Variants in CDKAL1 observed in about 807,000 individuals in gnomAD.
The protein encoded by CDKAL1 is threonylcarbamoyladenosine tRNA methylthiotransferase.
Under a neutral mutation model 68.2 loss-of-function variants are expected in CDKAL1, and 32 were observed. That is an observed-to-expected ratio of 0.47 (90% confidence interval 0.35 to 0.63). CDKAL1 has a LOEUF of 0.63. Ranked by LOEUF, CDKAL1 falls within the 30% of genes least tolerant of loss-of-function variation. CDKAL1 has a pLI of 0.00. For synonymous variants in CDKAL1, 234 were observed against 244.3 expected (o/e 0.96, Z 0.39); for missense variants, 606 against 696.7 (o/e 0.87, Z 1.47).
chr6:21,078,526 T>C (rs1033585476), intron 12 of CDKAL1, among the ~76,000 whole-genome samples: 35 of 152,216 alleles, frequency 2.3e-4, no homozygotes, highest in Admixed American at 1.7e-3. Flanking sequence ...ATCAGGAAAC[T>C]GAGGCCATGA....
intron 13 of CDKAL1, among the ~76,000 whole-genome samples, chr6:21,186,390 G>T (rs932634148): frequency 1.3e-5 from 2 of 152,012 alleles, no homozygotes. Flanking sequence ...TTCATTTTTG[G>T]CTTATTTTTA....
intron 10 of CDKAL1, among the ~76,000 whole-genome samples, chr6:20,964,271 G>A (rs1289427254): frequency 6.6e-6 from 1 of 152,188 alleles, no homozygotes; most frequent in East Asian, 1.9e-4. Flanking sequence ...AAGACCTGAA[G>A]ACAGAAATAC....
intron 5 of CDKAL1, among the ~76,000 whole-genome samples, chr6:20,676,711 ATAAAAT>A (rs1770130630): frequency 1.4e-5 from 2 of 146,380 alleles, no homozygotes; most frequent in Non-Finnish European, 2.9e-5. Flanking sequence ...ATAAAATAAA[ATAAAAT>A]AAAAAAGTCT....
chr6:20,764,894 G>A (rs576404966), intron 7 of CDKAL1, among the ~76,000 whole-genome samples: 5 of 152,220 alleles, frequency 3.3e-5, no homozygotes, highest in Admixed American at 6.5e-5. Flanking sequence ...AGTTAGTATA[G>A]TCTGAATGTA....
intron 5 of CDKAL1, among the ~76,000 whole-genome samples, chr6:20,677,145 A>G (rs1770152653): frequency 6.6e-6 from 1 of 151,926 alleles, no homozygotes; most frequent in Non-Finnish European, 1.5e-5. Flanking sequence ...ATTTTGGCTC[A>G]CTGCAACCTC....
intron 11 of CDKAL1, among the ~76,000 whole-genome samples, chr6:21,033,259 T>G (rs958785630): frequency 9.2e-5 from 14 of 152,098 alleles, no homozygotes; most frequent in African/African-American, 3.1e-4. Context: ...ATGAGAACAA[T>G]GTAATAGTGA....
At chr6:21,218,941 G>GT (rs1342816928) in intron 15 of CDKAL1, among the ~76,000 whole-genome samples, 1 of 152,130 alleles carries the variant, frequency 6.6e-6, no homozygotes, top group Non-Finnish European at 1.5e-5. Context: ...AAGTAATTAA[G>GT]TTTTTTAATA....
intron 11 of CDKAL1, among the ~76,000 whole-genome samples, chr6:21,003,993 T>C (rs1767592467): frequency 6.6e-6 from 1 of 152,240 alleles, no homozygotes; most frequent in Non-Finnish European, 1.5e-5. Flanking sequence ...AATGTGCCTT[T>C]AACAAATAAG....
intron 4 of CDKAL1, among the ~76,000 whole-genome samples, chr6:20,589,205 A>G (rs1226195908): frequency 6.6e-6 from 1 of 152,228 alleles, no homozygotes; most frequent in Non-Finnish European, 1.5e-5. Flanking sequence ...GATTAGAACC[A>G]TTAAAATACT....
At chr6:20,787,083 CA>C (rs1349380970) in intron 8 of CDKAL1, among the ~76,000 whole-genome samples, 1 of 152,130 alleles carries the variant, frequency 6.6e-6, no homozygotes, top group African/African-American at 2.4e-5. Context: ...CTCCCTCAGG[CA>C]AAACACATCT....
At chr6:20,975,578 A>AT (rs1421222013) in intron 10 of CDKAL1, among the ~76,000 whole-genome samples, 3 of 152,176 alleles carry the variant, frequency 2.0e-5, no homozygotes, top group Non-Finnish European at 4.4e-5. Flanking sequence ...GTGTGTGAAT[A>AT]TAAAGTGATA....
chr6:21,112,336 A>T (rs1774161030), intron 13 of CDKAL1, among the ~76,000 whole-genome samples: 1 of 152,358 alleles, frequency 6.6e-6, no homozygotes, highest in East Asian at 1.9e-4. Flanking sequence ...AAAAATTGAA[A>T]TGCTTGGAAG....
At chr6:20,661,595 A>G (rs1224035099) in intron 5 of CDKAL1, among the ~76,000 whole-genome samples, 1 of 35,696 alleles carries the variant, frequency 2.8e-5, no homozygotes, top group African/African-American at 1.7e-4. Context: ...CCTGGTTTAC[A>G]TAAAAAAAAA....
intron 5 of CDKAL1, among the ~76,000 whole-genome samples, chr6:20,680,197 G>A (rs1465157683): frequency 6.6e-6 from 1 of 152,036 alleles, no homozygotes; most frequent in East Asian, 1.9e-4. Flanking sequence ...CTCCTGAATA[G>A]CTAGGATTAC....
chr6:20,980,306 C>T (rs939283759), intron 10 of CDKAL1, among the ~76,000 whole-genome samples: 4 of 152,046 alleles, frequency 2.6e-5, no homozygotes, highest in Non-Finnish European at 5.9e-5. Flanking sequence ...GGCGCGATCT[C>T]GGCTCACTGC....
intron 7 of CDKAL1, among the ~76,000 whole-genome samples, chr6:20,766,050 G>T (rs116193436): frequency 2.4e-3 from 371 of 152,228 alleles, no homozygotes; most frequent in Middle Eastern, 6.8e-3. Flanking sequence ...GAACACAAAT[G>T]AATGCCTAAA....
At chr6:21,042,512 A>T (rs1769987634) in intron 11 of CDKAL1, among the ~76,000 whole-genome samples, 2 of 152,028 alleles carry the variant, frequency 1.3e-5, no homozygotes, top group African/African-American at 4.8e-5. Flanking sequence ...AAAATCCTAG[A>T]ATCATATTCA....
intron 5 of CDKAL1, among the ~76,000 whole-genome samples, chr6:20,699,984 A>T (rs1771268548): frequency 6.6e-6 from 1 of 152,014 alleles, no homozygotes. Context: ...TTTTCAGAAG[A>T]CATATTAAAA....
chr6:20,929,419 C>T (rs1219582155), intron 9 of CDKAL1, among the ~76,000 whole-genome samples: 1 of 152,038 alleles, frequency 6.6e-6, no homozygotes, highest in Non-Finnish European at 1.5e-5. Flanking sequence ...AGAGGTGTTC[C>T]CTCACAGAGG....
Sources: gnomAD v4.1 joint callset for allele counts (sites outside exome capture counted in the v4.1 genomes callset) on GRCh38, gnomAD v4.1.1 for gene constraint, MANE v1.5 for transcripts, NCBI Gene and HGNC (gene_info 2026-07-23, HGNC 2026-07-21) for gene names.